Variants in IPCEF1 observed in about 807,000 individuals in gnomAD.
IPCEF1 encodes interactor protein for cytohesin exchange factors 1.
In IPCEF1, 31 loss-of-function variants were observed where a neutral mutation model predicts 50.9. The ratio of observed to expected loss-of-function variants is 0.61; its 90% CI spans 0.46 to 0.82. The LOEUF (loss-of-function observed/expected upper bound fraction) is 0.82, where lower values mean the gene tolerates loss of function less well. Ranked by LOEUF, IPCEF1 falls within the 40% of genes least tolerant of loss-of-function variation. IPCEF1 has a pLI of 0.00. For missense variants in IPCEF1, 458 were observed against 514.0 expected (o/e 0.89, Z 1.05); for synonymous variants, 181 against 192.0 (o/e 0.94, Z 0.47).
At chr6:154,303,116 G>GTTTC in intron 1 of IPCEF1, among the ~76,000 whole-genome samples, 1 of 109,866 alleles carries the variant, frequency 9.1e-6, no homozygotes, top group Admixed American at 1.1e-4. Context: ...TTTTTTGACA[G>GTTTC]AGTCTCGCTC....
At chr6:154,335,219 A>G (rs1783763651) in intron 1 of IPCEF1, among the ~76,000 whole-genome samples, 1 of 152,142 alleles carries the variant, frequency 6.6e-6, no homozygotes, top group Admixed American at 6.6e-5. Context: ...AAAGATAACT[A>G]TTTACATATT....
intron 10 of IPCEF1, among the ~76,000 whole-genome samples, chr6:154,184,493 T>C (rs1000514048): frequency 6.6e-5 from 10 of 152,142 alleles, no homozygotes; most frequent in African/African-American, 2.4e-4. Context: ...TATTTACATT[T>C]TTTTTAAAAG....
chr6:154,331,845 A>G (rs1035560541), intron 1 of IPCEF1, among the ~76,000 whole-genome samples: 1 of 152,180 alleles, frequency 6.6e-6, no homozygotes, highest in Non-Finnish European at 1.5e-5. Flanking sequence ...CCCCAAGGAA[A>G]AAATCAAGGG....
intron 3 of IPCEF1, among the ~76,000 whole-genome samples, chr6:154,258,666 T>C (rs1278273781): frequency 1.3e-5 from 2 of 152,196 alleles, no homozygotes; most frequent in Non-Finnish European, 2.9e-5. Context: ...ATCTCCACTA[T>C]TGCTGCCTTA....
intron 10 of IPCEF1, among the ~76,000 whole-genome samples, chr6:154,169,879 A>G (rs1799738422): frequency 1.3e-5 from 2 of 152,230 alleles, no homozygotes; most frequent in Non-Finnish European, 2.9e-5. Context: ...AGTATCAGAT[A>G]AGTAATCTCT....
At chr6:154,202,390 C>A (rs1777142654) in intron 9 of IPCEF1, among the ~76,000 whole-genome samples, 1 of 152,102 alleles carries the variant, frequency 6.6e-6, no homozygotes, top group Non-Finnish European at 1.5e-5. Flanking sequence ...GCACTACCCC[C>A]AAATTGTCCA....
intron 6 of IPCEF1, among the ~76,000 whole-genome samples, chr6:154,221,597 G>C (rs1247027453): frequency 6.6e-6 from 1 of 152,186 alleles, no homozygotes; most frequent in African/African-American, 2.4e-5. Context: ...GGTATGGCCG[G>C]GCACGGTGGC....
At chr6:154,218,719 C>G (rs138865945) in intron 7 of IPCEF1, among the ~76,000 whole-genome samples, 4 of 152,150 alleles carry the variant, frequency 2.6e-5, no homozygotes, top group Non-Finnish European at 2.9e-5. Context: ...TAATGAAACT[C>G]TATAATGATA....
chr6:154,259,269 A>G (rs541148703), intron 3 of IPCEF1, among the ~76,000 whole-genome samples: 85 of 152,338 alleles, frequency 5.6e-4, no homozygotes, highest in African/African-American at 2.0e-3. Context: ...TAGTTCTACT[A>G]AAAGACTATT....
chr6:154,211,572 T>G (rs1461179634), intron 9 of IPCEF1, among the ~76,000 whole-genome samples: 1 of 152,150 alleles, frequency 6.6e-6, no homozygotes, highest in Non-Finnish European at 1.5e-5. Context: ...TACTTCCTCA[T>G]GACCTAGAAT....
In IPCEF1 at chr6:154,263,993, G is replaced by A. The variant is rs375038507; in HGVS notation, c.36+1919C>T. Among the ~76,000 whole-genome samples, 9 of 93,074 alleles carry A rather than the reference G, an allele frequency of 9.7e-5. No homozygotes were observed. The East Asian group carries it at 9.8e-3, about 102-fold the overall frequency. The allele number at this position is 93,074 out of a possible 152,430, so 61.1% of individuals were successfully genotyped here. ...ACTTCCCGGATGGGGCGGCTGGCCG[G>A]GCGGGGGGCTGACCCCCCCCACCTC... is the stretch of plus-strand genomic sequence containing the variant. On this transcript the variant is annotated intron_variant, in intron 3 of 11. Coordinates refer to ENST00000367220, the MANE Select transcript of IPCEF1 (RefSeq NM_001130700.2).
chr6:154,154,916 T>C lies in IPCEF1; in HGVS notation c.*4912A>G, dbSNP rs1031089963. 7.9e-5 allele frequency: 12 copies of C among 152,510 alleles called. No individual in the cohort carries two copies. Among genetic ancestry groups the C allele is most frequent in the Non-Finnish European group, 1.8e-4 (12 of 68,038 alleles). The allele number at this position is 152,510 out of a possible 1,614,324, so 9.4% of individuals were successfully genotyped here. A position where few individuals can be genotyped will look rare whatever the true frequency, so the allele number is the denominator to read the frequency against. On this transcript the variant is annotated 3_prime_UTR_variant, in exon 12 of 12. Transcript: ENST00000367220. ...AGTGCTAAAAGTCACATTCCCATCA[T>C]GCAAGCACATTAAAATATATGGCGA...
At chr6:154,273,666 A>C (rs1781954102) in intron 2 of IPCEF1, among the ~76,000 whole-genome samples, 1 of 148,154 alleles carries the variant, frequency 6.7e-6, no homozygotes, top group South Asian at 2.2e-4. Flanking sequence ...ATGAAGGAGA[A>C]AGTAGCTTCA....
intron 7 of IPCEF1, among the ~76,000 whole-genome samples, chr6:154,214,987 T>G (rs1778270763): frequency 6.6e-6 from 1 of 152,190 alleles, no homozygotes; most frequent in South Asian, 2.1e-4. Context: ...ACACAAATTT[T>G]TAAAAGCTGG....
At chr6:154,250,131 GA>G in intron 3 of IPCEF1, among the ~76,000 whole-genome samples, 1 of 152,002 alleles carries the variant, frequency 6.6e-6, no homozygotes, top group African/African-American at 2.4e-5. Flanking sequence ...ATGAGACAGT[GA>G]AAACAATCTT....
intron 10 of IPCEF1, among the ~76,000 whole-genome samples, chr6:154,196,596 T>A (rs1365770563): frequency 1.3e-5 from 2 of 152,224 alleles, no homozygotes; most frequent in Non-Finnish European, 2.9e-5. Context: ...CTCCACATTG[T>A]CAGCAGGTAG....
At position 154,294,580 on chromosome 6, in the gene IPCEF1, C is replaced by T. The variant is rs143315157; in HGVS notation, c.-61-4824G>A. The stretch of plus-strand genomic sequence containing the variant: ...TGTGGTGCAGCCATGAATTTCACAC[C>T]ATTTGCAGAGCGGAGGATTCTGGCT... On this transcript the variant is annotated intron_variant, in intron 1 of 11. Transcript: ENST00000367220. Among the ~76,000 whole-genome samples, 430 of 152,260 alleles carry T rather than the reference C, an allele frequency of 2.8e-3. 4 individuals carry two copies. The highest frequency in any genetic ancestry group is 9.8e-3 in the African/African-American group (406 of 41,548).
intron 3 of IPCEF1, among the ~76,000 whole-genome samples, chr6:154,253,965 A>T (rs754449642): frequency 1.1e-4 from 16 of 152,062 alleles, no homozygotes; most frequent in Non-Finnish European, 2.1e-4. Context: ...TGCTTTTATT[A>T]TAATAAAACA....
At chr6:154,245,708 G>A (rs1185484478) in intron 5 of IPCEF1, among the ~76,000 whole-genome samples, 1 of 152,114 alleles carries the variant, frequency 6.6e-6, no homozygotes, top group African/African-American at 2.4e-5. Context: ...AGGCCCTCCA[G>A]TGCTGATCTT....
Sources: allele counts gnomAD v4.1 joint callset (sites outside exome capture counted in the v4.1 genomes callset), GRCh38; gene constraint gnomAD v4.1.1; transcripts MANE v1.5; gene names NCBI Gene and HGNC (gene_info 2026-07-23, HGNC 2026-07-21).